Variants in VARS1 observed in about 807,000 individuals in gnomAD.
VARS1 encodes the protein valine--tRNA ligase.
A neutral mutation model predicts 161.0 loss-of-function variants in VARS1; 92 were observed. That is an observed-to-expected ratio of 0.57 (90% CI 0.48 to 0.68). The LOEUF is 0.68. Ranked by LOEUF, VARS1 falls within the 30% of genes least tolerant of loss-of-function variation. VARS1 has a pLI of 0.00. For synonymous variants in VARS1, 595 were observed against 682.5 expected, an observed-to-expected ratio of 0.87 and a Z score of 2.00; for missense variants, 1,338 against 1,695.9, an observed-to-expected ratio of 0.79 and a Z score of 3.71.
chr6:31,783,608 A>G (rs1813300895), intron 13 of VARS1, among the ~76,000 whole-genome samples: 1 of 151,612 alleles, frequency 6.6e-6, no homozygotes, highest in African/African-American at 2.4e-5. Flanking sequence ...GGCTTCCTTG[A>G]GGCCAGGAGT....
Position 31,778,867 on chromosome 6 carries a change from G to C in VARS1, c.3726+100C>G. On this transcript the variant is annotated intron_variant, in intron 29 of 29. Transcript: ENST00000375663. The surrounding 1 kb of genome is among the most constrained non-coding windows in gnomAD (Gnocchi z 5.1). The stretch of plus-strand genomic sequence containing the variant: ...AACAAAGAAATCTGTAACTGGTTAC[G>C]ATCAATTAGTTGTCAACACCACTGC... The C allele has an allele frequency of 6.8e-7, 1 of 1,469,034 alleles. No homozygotes were observed. The allele number at this position is 1,469,034 out of a possible 1,614,324, so 91.0% of individuals were successfully genotyped here.
chr6:31,786,555 A>G (rs1474274418), intron 8 of VARS1, among the ~76,000 whole-genome samples: 2 of 150,174 alleles, frequency 1.3e-5, no homozygotes, highest in Non-Finnish European at 3.0e-5. Context: ...AATCCCAGCT[A>G]CTTGGGAGGC....
chr6:31,785,143 C>T lies in VARS1; in HGVS notation c.1347+103G>A. 3 of 1,399,476 alleles carry T rather than the reference C, an allele frequency of 2.1e-6. No individual in the cohort carries two copies. The highest frequency in any genetic ancestry group is 2.8e-5 in the African/African-American group (2 of 70,708). The allele number at this position is 1,399,476 out of a possible 1,614,324, so 86.7% of individuals were successfully genotyped here. A position where few individuals can be genotyped will look rare whatever the true frequency, so the allele number is the denominator to read the frequency against. On this transcript the variant is annotated intron_variant, in intron 10 of 29. Coordinates refer to ENST00000375663, the MANE Select transcript of VARS1 (RefSeq NM_006295.3). The surrounding 1 kb of genome is among the most constrained non-coding windows in gnomAD (Gnocchi z 6.1). ...GCCCTCCATGGTGTTTTACATGGGC[C>T]AGCTCCTGAGAGAGGGCCACAACAC...
rs763422077 is a variant in VARS1, at chr6:31,779,646, G to A, written c.3250C>T (p.Pro1084Ser). 2 of 1,612,708 alleles carry A rather than the reference G, an allele frequency of 1.2e-6. No individual in the cohort carries two copies. The highest frequency in any genetic ancestry group is 8.5e-7 in the Non-Finnish European group (1 of 1,179,950). ...GGGTAGGGGGTAACACAGAGGCTAG[G>A]GGGAGCTTGCGGCATCCTCCGGGGC... ...RLPRRMPQAP[P>S]SLCVTPYPEP... is the part of the protein sequence containing the mutation. The change falls in exon 27 of 30, where the codon CCT (proline) becomes TCT (serine). Residue 1084 changes from proline (P) to serine (S), a missense_variant. By Grantham distance (74) the Pro-to-Ser change is moderately conservative. Transcript: ENST00000375663. The surrounding 1 kb of genome is among the most constrained non-coding windows in gnomAD (Gnocchi z 9.1).
In VARS1 at chr6:31,779,520, G is replaced by C. The variant is rs1439007085; in HGVS notation, c.3305C>G (p.Pro1102Arg). 1.2e-6 allele frequency: 2 copies of C among 1,612,652 alleles called. No individual in the cohort carries two copies. Among genetic ancestry groups the C allele is most frequent in the African/African-American group, 1.3e-5 (1 of 74,920 alleles). ...CAGCTCAAGGGCGGCTTCTGCCTCG[G>C]GGTCCTTCCAGGAGCACTGTGGGGT... ...PEPSECSWKD[P>R]EAEAALELAL... The change falls in exon 28 of 30, where the codon CCC becomes CGC. Residue 1102 changes from proline to arginine, a missense_variant. Pro to Arg is a moderately radical substitution (Grantham distance 103). This residue lies in a region of VARS1 where 433 missense variants were observed against 586.2 expected (regional missense o/e 0.74). Transcript: ENST00000375663. The surrounding 1 kb of genome is among the most constrained non-coding windows in gnomAD (Gnocchi z 9.1).
In VARS1 at chr6:31,795,429, T is replaced by C; in HGVS notation, c.-34+117A>G. 2.5e-6 allele frequency: 1 copy of C among 404,206 alleles called. No homozygotes were observed. Among genetic ancestry groups the C allele is most frequent in the Non-Finnish European group, 4.3e-6 (1 of 231,644 alleles). 25.0% of individuals were successfully genotyped at this position (404,206 alleles called of 1,614,324 possible). On this transcript the variant is annotated intron_variant, in intron 1 of 29. Transcript: ENST00000375663. The surrounding 1 kb of genome is among the most constrained non-coding windows in gnomAD (Gnocchi z 6.9). ...CTGGCTCTCAGAGGGGCAGTGTCAG[T>C]GGGGAGTTCCTGGGGAAGAGGAACT...
In VARS1 at chr6:31,781,789, G is replaced by C; in HGVS notation, c.2348-28C>G. 6.2e-7 allele frequency: 1 copy of C among 1,613,030 alleles called. No individual in the cohort carries two copies. Among genetic ancestry groups the C allele is most frequent in the Non-Finnish European group, 8.5e-7 (1 of 1,180,012 alleles). On this transcript the variant is annotated intron_variant, in intron 19 of 29. Coordinates refer to ENST00000375663, the MANE Select transcript of VARS1 (RefSeq NM_006295.3). The surrounding 1 kb of genome is among the most constrained non-coding windows in gnomAD (Gnocchi z 6.8). Reference sequence around the variant, plus strand: ...GAGAGAGGCCAAAGGTCAGAGGTCAGAGGGAGTGGAGCTCTGCCCCCCACA... The same window carrying C: ...GAGAGAGGCCAAAGGTCAGAGGTCACAGGGAGTGGAGCTCTGCCCCCCACA...
Position 31,795,084 on chromosome 6 carries a change from G to A in VARS1, c.134C>T (p.Pro45Leu). 1 of 1,504,910 alleles carries A rather than the reference G, an allele frequency of 6.6e-7. No homozygotes were observed. Among genetic ancestry groups the A allele is most frequent in the African/African-American group, 1.4e-5 (1 of 72,080 alleles). 93.2% of individuals were successfully genotyped at this position (1,504,910 alleles called of 1,614,324 possible). A position where few individuals can be genotyped will look rare whatever the true frequency, so the allele number is the denominator to read the frequency against. ...GGGAAAGGGAGTCCTGCTAGTCGGG[G>A]GTGGCTGGAGACAGATGCGGGGGTG... is the stretch of plus-strand genomic sequence containing the variant. ...GAHPRICLQPPPTSRTPFPPP... is the reference protein window; with the variant it reads ...GAHPRICLQPLPTSRTPFPPP... The change falls in exon 2 of 30, where the codon CCC (proline) becomes CTC (leucine). Residue 45 changes from proline to leucine, a missense_variant. Transcript: ENST00000375663. This position sits in a 1 kb window ranked among gnomAD's most constrained non-coding sequence, Gnocchi z 6.9.
rs766072515 is a variant in VARS1, at chr6:31,780,170, G to A, written c.2926-17C>T. 8 of 1,612,116 alleles carry A rather than the reference G, an allele frequency of 5.0e-6. 2 individuals are homozygous for A. In the South Asian group the frequency reaches 7.7e-5, roughly 15 times the overall value. ...GCCTCCGGGCTTGGGGAGAGAGGGT[G>A]TATCAGCCGGCGGGCCAGGGGAGGG... is the stretch of plus-strand genomic sequence containing the variant. On this transcript the variant is annotated splice_polypyrimidine_tract_variant and intron_variant, in intron 25 of 29. Transcript: ENST00000375663. The surrounding 1 kb of genome is among the most constrained non-coding windows in gnomAD (Gnocchi z 5.1).
At position 31,792,456 on chromosome 6, in the gene VARS1, C is replaced by A; in HGVS notation, c.722G>T (p.Arg241Leu). 1 of 1,613,940 alleles carries A rather than the reference C, an allele frequency of 6.2e-7. No individual in the cohort carries two copies. The highest frequency in any genetic ancestry group is 8.5e-7 in the Non-Finnish European group (1 of 1,179,998). ...AAQLKKEAKK[R>L]EKLEKFQQKQ... ...CTGTTGGAATTTCTCTAGCTTCTCC[C>A]GTTTCTTTGCCTCTTTCTTGAGCTG... The change falls in exon 5 of 30, where the codon CGG becomes CTG. Residue 241 changes from arginine to leucine, a missense_variant. Coordinates refer to ENST00000375663, the MANE Select transcript of VARS1 (RefSeq NM_006295.3).
At position 31,780,373 on chromosome 6, in the gene VARS1, G is replaced by GAT; in HGVS notation, c.2925+67_2925+68insAT. The GAT allele has an allele frequency of 6.4e-7, 1 of 1,569,228 alleles. No homozygotes were observed. The highest frequency in any genetic ancestry group is 8.6e-7 in the Non-Finnish European group (1 of 1,156,980). On this transcript the variant is annotated intron_variant, in intron 25 of 29. Transcript: ENST00000375663. The surrounding 1 kb of genome is among the most constrained non-coding windows in gnomAD (Gnocchi z 5.1). ...GTCTATCTGTCCCCCCAGCTACATGGAGGCTGCTCCGGACAGGGGTACAGC... is the reference window on the plus strand; with the variant it reads ...GTCTATCTGTCCCCCCAGCTACATGGATAGGCTGCTCCGGACAGGGGTACAGC...
chr6:31,788,511 C>CA (rs71552082), intron 8 of VARS1, among the ~76,000 whole-genome samples: 29,328 of 138,070 alleles, frequency 0.21, 3,122 homozygotes, highest in African/African-American at 0.24. Flanking sequence ...ACAAAAAAAA[C>CA]AAAAAAAAAA....
In VARS1 at chr6:31,781,171, C is replaced by T. The variant is rs774377420; in HGVS notation, c.2545-48G>A. The T allele has an allele frequency of 1.5e-5, 24 of 1,595,488 alleles. No individual in the cohort carries two copies. Among genetic ancestry groups the T allele is most frequent in the African/African-American group, 1.2e-4 (9 of 74,636 alleles). On this transcript the variant is annotated intron_variant, in intron 21 of 29. Coordinates refer to ENST00000375663, the MANE Select transcript of VARS1 (RefSeq NM_006295.3). This position sits in a 1 kb window ranked among gnomAD's most constrained non-coding sequence, Gnocchi z 6.8. ...CATGAGACTCAGTCCTCTCCTTCCC[C>T]GGCCTCAGTGCCCCGACCAGGACTG... is the stretch of plus-strand genomic sequence containing the variant.
Position 31,779,614 on chromosome 6 carries a change from G to A in VARS1, c.3282C>T (p.Pro1094=). The A allele has an allele frequency of 6.2e-7, 1 of 1,612,566 alleles. No individual in the cohort carries two copies. Among genetic ancestry groups the A allele is most frequent in the Non-Finnish European group, 8.5e-7 (1 of 1,179,784 alleles). ...TCTCCAGGCCATGCCATACCTCTGA[G>A]GGCTCCGGGTAGGGGGTAACACAGA... ...PSLCVTPYPE[P]SECSWKDPEA... The change falls in exon 27 of 30, where the codon CCC becomes CCT. Residue 1094 remains proline, a synonymous_variant. Transcript: ENST00000375663. This position sits in a 1 kb window ranked among gnomAD's most constrained non-coding sequence, Gnocchi z 9.1.
chr6:31,780,948 G>A lies in VARS1; in HGVS notation c.2650-10C>T. The A allele has an allele frequency of 6.2e-7, 1 of 1,614,110 alleles. No homozygotes were observed. The highest frequency in any genetic ancestry group is 8.5e-7 in the Non-Finnish European group (1 of 1,180,034). On this transcript the variant is annotated splice_polypyrimidine_tract_variant and intron_variant, in intron 22 of 29. Transcript: ENST00000375663. This position sits in a 1 kb window ranked among gnomAD's most constrained non-coding sequence, Gnocchi z 5.1. ...GCTGGTTGTGGAGGCCCTGAGGGTG[G>A]AGTGGGAGCAGTCAGGTGGCTGTGA...
In VARS1 at chr6:31,781,667, C is replaced by T. The variant is rs534149314; in HGVS notation, c.2418+24G>A. 6.8e-6 allele frequency: 11 copies of T among 1,612,978 alleles called. No homozygotes were observed. In the East Asian group the frequency reaches 2.0e-4, roughly 29 times the overall value. On this transcript the variant is annotated intron_variant, in intron 20 of 29. Transcript: ENST00000375663. This position sits in a 1 kb window ranked among gnomAD's most constrained non-coding sequence, Gnocchi z 6.8. ...CCCACCCTCCAGTCCCCTGTCCCGCCAAGCCCCGGCCCCAGGAACACACCT... is the reference window on the plus strand; with the variant it reads ...CCCACCCTCCAGTCCCCTGTCCCGCTAAGCCCCGGCCCCAGGAACACACCT...
Position 31,779,410 on chromosome 6 carries a change from G to T in VARS1, c.3400+15C>A. The T allele has an allele frequency of 6.2e-7, 1 of 1,609,858 alleles. No individual in the cohort carries two copies. Reference sequence around the variant, plus strand: ...GGACAGTGGGATGGGGCGGACATGGGGGCCTGAGGCTCACAGTCAGGCCGG... The same window carrying T: ...GGACAGTGGGATGGGGCGGACATGGTGGCCTGAGGCTCACAGTCAGGCCGG... On this transcript the variant is annotated intron_variant, in intron 28 of 29. Transcript: ENST00000375663. The surrounding 1 kb of genome is among the most constrained non-coding windows in gnomAD (Gnocchi z 9.1).
rs1219959890 is a variant in VARS1 at position 31,782,468 on chromosome 6, G to A, written c.1992-25C>T. On this transcript the variant is annotated intron_variant, in intron 16 of 29. Transcript: ENST00000375663. This position sits in a 1 kb window ranked among gnomAD's most constrained non-coding sequence, Gnocchi z 8.3. ...GCTGGGGGTACACGTAGGTGAGAAGGCCAGGCGGTAAAACCCTGAGGAGCC... is the reference window on the plus strand; with the variant it reads ...GCTGGGGGTACACGTAGGTGAGAAGACCAGGCGGTAAAACCCTGAGGAGCC... The A allele has an allele frequency of 6.2e-7, 1 of 1,612,070 alleles. No individual in the cohort carries two copies. The highest frequency in any genetic ancestry group is 1.7e-5 in the Admixed American group (1 of 59,936).
At position 31,789,888 on chromosome 6, in the gene VARS1, G is replaced by C. The variant is rs181648263; in HGVS notation, c.1100+1722C>G. 9.3e-3 allele frequency among the ~76,000 whole-genome samples: 1,421 copies of C among 152,034 alleles called. 21 individuals carry two copies. Among genetic ancestry groups the C allele is most frequent in the African/African-American group, 0.03 (1,226 of 41,488 alleles). On this transcript the variant is annotated intron_variant, in intron 8 of 29. Transcript: ENST00000375663. ...ACAAAAAAAAAATTAGCCGGGCGTG[G>C]TGGTGGGCACCTGTAGTCCTAGCTA...
Sources: gnomAD v4.1 joint callset for allele counts (sites outside exome capture counted in the v4.1 genomes callset) on GRCh38, gnomAD v4.1.1 for gene constraint, gnomAD v4.1.1 regional missense constraint, Gnocchi (gnomAD v3.1) non-coding constraint, MANE v1.5 for transcripts, NCBI Gene and HGNC (gene_info 2026-07-23, HGNC 2026-07-21) for gene names.